Variants in PADI4 observed in about 807,000 individuals in gnomAD.
PADI4 encodes the protein peptidyl arginine deiminase 4.
PADI4 carries 62 observed loss-of-function variants against 75.0 expected under a neutral mutation model. The observed-to-expected ratio is 0.83, with a 90% confidence interval of 0.67 to 1.02. The LOEUF is 1.02. Among genes scored for constraint, PADI4 ranks in the 50% least tolerant of loss-of-function variants. PADI4 has a pLI of 0.00. For missense variants in PADI4, 845 were observed against 850.5 expected (o/e 0.99, Z 0.08); for synonymous variants, 361 against 348.1 (o/e 1.04, Z -0.41).
At position 17,316,009 on chromosome 1, in the gene PADI4, A is replaced by G. The variant is rs2100658987; in HGVS notation, c.92+7695A>G. Among the ~76,000 whole-genome samples, 4 of 152,020 alleles carry G rather than the reference A, an allele frequency of 2.6e-5. 1 individual carries two copies. In the South Asian group the frequency reaches 8.3e-4, roughly 32 times the overall value. The stretch of plus-strand genomic sequence containing the variant: ...CCCTATCCACAGGGTGCCTCCACCC[A>G]GATGGCCCGGCAAAAACAAAACCAG... On this transcript the variant is annotated intron_variant, in intron 1 of 15. Coordinates refer to ENST00000375448, the MANE Select transcript of PADI4 (RefSeq NM_012387.3).
Position 17,350,226 on chromosome 1 carries a change from A to G in PADI4, c.1155+2178A>G, listed in dbSNP as rs2074595424. 1.5e-5 allele frequency among the ~76,000 whole-genome samples: 2 copies of G among 129,276 alleles called. 1 individual carries two copies. The highest frequency in any genetic ancestry group is 5.0e-5 in the African/African-American group (2 of 39,944). The allele number at this position is 129,276 out of a possible 152,430, so 84.8% of individuals were successfully genotyped here. On this transcript the variant is annotated intron_variant, in intron 10 of 15. Coordinates refer to ENST00000375448, the MANE Select transcript of PADI4 (RefSeq NM_012387.3). ...TCGGGCAGCTGGCACAAAGCTTCAC[A>G]CACAGTGGTTGTTCTTCCTGTAAGC... is the stretch of plus-strand genomic sequence containing the variant.
intron 8 of PADI4, 128 bp from the exon 9 acceptor site, chr1:17,345,900 C>A (rs986534790): frequency 9.7e-6 from 6 of 621,272 alleles, no homozygotes; most frequent in Non-Finnish European, 1.8e-5. Context: ...AGCAGATGGA[C>A]CGGACGTGCC....
rs144826979 is a variant in PADI4, at chr1:17,342,452, G to A, written c.935+50G>A. On this transcript the variant is annotated intron_variant, in intron 8 of 15. Coordinates refer to ENST00000375448, the MANE Select transcript of PADI4 (RefSeq NM_012387.3). Reference sequence around the variant, plus strand: ...TGGGTCCAGACAACAAAGAGCCTGAGTTCCATCCGCAGCACTCACTGTGTG... The same window carrying A: ...TGGGTCCAGACAACAAAGAGCCTGAATTCCATCCGCAGCACTCACTGTGTG... 5.0e-3 allele frequency: 5,580 copies of A among 1,107,862 alleles called. 34 individuals carry two copies. Among genetic ancestry groups the A allele is most frequent in the Non-Finnish European group, 5.2e-3 (3,787 of 728,516 alleles). The allele number at this position is 1,107,862 out of a possible 1,614,324, so 68.6% of individuals were successfully genotyped here. A position where few individuals can be genotyped will look rare whatever the true frequency, so the allele number is the denominator to read the frequency against.
chr1:17,343,739 T>C (rs866057708), intron 8 of PADI4, among the ~76,000 whole-genome samples: 105 of 152,320 alleles, frequency 6.9e-4, no homozygotes, highest in African/African-American at 2.4e-3. Flanking sequence ...CTTTTGCATC[T>C]TGCTCATTTT....
chr1:17,319,447 T>C (rs1450670126), intron 1 of PADI4, among the ~76,000 whole-genome samples: 1 of 152,150 alleles, frequency 6.6e-6, no homozygotes, highest in Admixed American at 6.6e-5. Flanking sequence ...CATGTACCTG[T>C]GGTCCCAGCT....
intron 14 of PADI4, 52 bp from the exon 15 acceptor site, chr1:17,359,228 C>A (rs1316459115): frequency 4.5e-6 from 3 of 665,954 alleles, no homozygotes; most frequent in Non-Finnish European, 7.6e-6. Flanking sequence ...CCCCCACCCC[C>A]ACCCCCGACT....
chr1:17,338,857 G>A (rs566593973), intron 5 of PADI4, among the ~76,000 whole-genome samples: 1 of 152,300 alleles, frequency 6.6e-6, no homozygotes, highest in Non-Finnish European at 1.5e-5. Context: ...TTCCTGGGGA[G>A]CTCTTAGAAT....
intron 1 of PADI4, among the ~76,000 whole-genome samples, chr1:17,318,967 C>T (rs1448820680): frequency 1.3e-5 from 2 of 152,082 alleles, no homozygotes; most frequent in African/African-American, 4.8e-5. Flanking sequence ...GGATTACAGG[C>T]GGGAGCCACT....
chr1:17,346,738 C>T lies in PADI4; in HGVS notation c.1047+599C>T, dbSNP rs765068239. On this transcript the variant is annotated intron_variant, in intron 9 of 15. Transcript: ENST00000375448. This position sits in a 1 kb window ranked among gnomAD's most constrained non-coding sequence, Gnocchi z 4.3. ...TCCCCACCACTGCCTTGCTTTGCCT[C>T]GGGACCCTGTCCTTCCATGCCGCAC... is the stretch of plus-strand genomic sequence containing the variant. Among the ~76,000 whole-genome samples the T allele has an allele frequency of 3.9e-5, 6 of 152,202 alleles. No homozygotes were observed. The highest frequency in any genetic ancestry group is 5.9e-5 in the Non-Finnish European group (4 of 68,002).
chr1:17,322,538 T>C (rs1004718891), intron 1 of PADI4, among the ~76,000 whole-genome samples: 2 of 152,226 alleles, frequency 1.3e-5, no homozygotes, highest in East Asian at 1.9e-4. Flanking sequence ...AGGGAGAAAT[T>C]CAACAGAACT....
intron 1 of PADI4, among the ~76,000 whole-genome samples, chr1:17,321,014 T>A (rs755076328): frequency 6.6e-6 from 1 of 152,220 alleles, no homozygotes; most frequent in Non-Finnish European, 1.5e-5. Context: ...TAAGGTAACA[T>A]CTTCACAGGT....
chr1:17,313,582 T>C (rs1419169664), intron 1 of PADI4, among the ~76,000 whole-genome samples: 2 of 151,114 alleles, frequency 1.3e-5, no homozygotes, highest in Non-Finnish European at 2.9e-5. Flanking sequence ...CAGATTTGCA[T>C]GACCCAGTTC....
chr1:17,363,195 T>G (rs1405849849), intron 15 of PADI4, among the ~76,000 whole-genome samples: 1 of 152,200 alleles, frequency 6.6e-6, no homozygotes, highest in African/African-American at 2.4e-5. Flanking sequence ...CACAGCTCAC[T>G]GCAGCCTTGA....
At position 17,356,019 on chromosome 1, in the gene PADI4, C is replaced by T; in HGVS notation, c.1347C>T (p.Asp449=). The T allele has an allele frequency of 6.2e-7, 1 of 1,614,124 alleles. No homozygotes were observed. Among genetic ancestry groups the T allele is most frequent in the East Asian group, 2.2e-5 (1 of 44,870 alleles). ...GGCAGATGCACCAGGCCCTGCAGGA[C>T]TTCCTCAGTGCCCAGCAGGTGCAGG... ...DSRQMHQALQ[D]FLSAQQVQAP... is the part of the protein sequence containing the mutation. The change falls in exon 12 of 16, where the codon GAC becomes GAT. Residue 449 remains aspartate, a synonymous_variant. Coordinates refer to ENST00000375448, the MANE Select transcript of PADI4 (RefSeq NM_012387.3). The surrounding 1 kb of genome is among the most constrained non-coding windows in gnomAD (Gnocchi z 4.1).
At chr1:17,353,226 G>A (rs1339321159) in intron 10 of PADI4, among the ~76,000 whole-genome samples, 4 of 152,100 alleles carry the variant, frequency 2.6e-5, no homozygotes, top group African/African-American at 9.7e-5. Flanking sequence ...CACTCTAGGA[G>A]CCGAGGCAGG....
Position 17,347,432 on chromosome 1 carries a change from C to T in PADI4, c.1048-509C>T, listed in dbSNP as rs1275261302. ...TTTTCAGCAGATTCATTTCTGAAAC[C>T]TCCCCGTGCTCCTCCTGCTGCTCCA... On this transcript the variant is annotated intron_variant, in intron 9 of 15. Coordinates refer to ENST00000375448, the MANE Select transcript of PADI4 (RefSeq NM_012387.3). 2.0e-5 allele frequency among the ~76,000 whole-genome samples: 3 copies of T among 152,098 alleles called. No individual in the cohort carries two copies. The East Asian group carries it at 5.8e-4, about 29-fold the overall frequency.
intron 1 of PADI4, among the ~76,000 whole-genome samples, chr1:17,310,994 G>A (rs2073814205): frequency 6.6e-6 from 1 of 152,058 alleles, no homozygotes; most frequent in African/African-American, 2.4e-5. Flanking sequence ...CTACTTGGGA[G>A]GCTGAGGCAG....
At chr1:17,316,494 C>A (rs1221379495) in intron 1 of PADI4, among the ~76,000 whole-genome samples, 2 of 151,512 alleles carry the variant, frequency 1.3e-5, no homozygotes, top group African/African-American at 4.9e-5. Flanking sequence ...TCGAGACCAT[C>A]CTGGCTAACA....
At chr1:17,338,769 G>C (rs898628780) in intron 5 of PADI4, among the ~76,000 whole-genome samples, 2 of 152,222 alleles carry the variant, frequency 1.3e-5, no homozygotes, top group Non-Finnish European at 2.9e-5. Flanking sequence ...TGCTAAGGGG[G>C]TGGCTCCGGG....
Sources: gnomAD v4.1 joint callset for allele counts (sites outside exome capture counted in the v4.1 genomes callset) on GRCh38, gnomAD v4.1.1 for gene constraint, Gnocchi (gnomAD v3.1) non-coding constraint, MANE v1.5 for transcripts, NCBI Gene and HGNC (gene_info 2026-07-23, HGNC 2026-07-21) for gene names.